Variants in XPR1 observed in about 807,000 individuals in gnomAD.
The protein encoded by XPR1 is xenotropic and polytropic retrovirus receptor 1.
Under a neutral mutation model 87.5 loss-of-function variants are expected in XPR1, and 28 were observed. The observed-to-expected ratio is 0.32, with a 90% CI of 0.24 to 0.44. The LOEUF is 0.44. Among genes scored for constraint, XPR1 ranks in the 20% least tolerant of loss-of-function variants. XPR1 has a pLI of 1.00. For synonymous variants in XPR1, 300 were observed against 306.1 expected, an observed-to-expected ratio of 0.98 and a Z score of 0.21; for missense variants, 559 against 862.3, an observed-to-expected ratio of 0.65 and a Z score of 4.41.
At chr1:180,732,446 A>G (rs1173369284) in intron 2 of XPR1, among the ~76,000 whole-genome samples, 1 of 152,170 alleles carries the variant, frequency 6.6e-6, no homozygotes, top group Admixed American at 6.5e-5. Context: ...GTGGCCTTTA[A>G]TTGAATATTC....
At chr1:180,742,232 C>T (rs956615279) in intron 2 of XPR1, among the ~76,000 whole-genome samples, 4 of 151,892 alleles carry the variant, frequency 2.6e-5, no homozygotes, top group Non-Finnish European at 5.9e-5. Flanking sequence ...AAAGTGGAAG[C>T]TTAGATTAGT....
At chr1:180,677,642 C>T (rs1156244321) in intron 1 of XPR1, among the ~76,000 whole-genome samples, 1 of 152,162 alleles carries the variant, frequency 6.6e-6, no homozygotes, top group Non-Finnish European at 1.5e-5. Flanking sequence ...CCTCCAGCTG[C>T]ATGACTTCTA....
At chr1:180,857,345 G>T (rs1652071269) in intron 11 of XPR1, among the ~76,000 whole-genome samples, 1 of 152,104 alleles carries the variant, frequency 6.6e-6, no homozygotes, top group African/African-American at 2.4e-5. Flanking sequence ...TTATATATCT[G>T]ATCATTGTCT....
intron 2 of XPR1, among the ~76,000 whole-genome samples, chr1:180,691,239 T>C (rs554039916): frequency 6.6e-6 from 1 of 152,268 alleles, no homozygotes; most frequent in Admixed American, 6.5e-5. Flanking sequence ...TCTTTTTGTG[T>C]TTTTATGTTT....
intron 1 of XPR1, among the ~76,000 whole-genome samples, chr1:180,663,242 T>C (rs1274254796): frequency 6.6e-6 from 1 of 152,254 alleles, no homozygotes; most frequent in African/African-American, 2.4e-5. Flanking sequence ...CTTTGCAATC[T>C]GTGTTTGTTT....
At chr1:180,653,174 T>A (rs1655348400) in intron 1 of XPR1, among the ~76,000 whole-genome samples, 1 of 152,168 alleles carries the variant, frequency 6.6e-6, no homozygotes, top group African/African-American at 2.4e-5. Context: ...CTCTTGTTAT[T>A]TGTACAATAT....
At chr1:180,803,823 C>CAA (rs1649882848) in intron 4 of XPR1, among the ~76,000 whole-genome samples, 2 of 152,012 alleles carry the variant, frequency 1.3e-5, no homozygotes. Context: ...ATTCATATTC[C>CAA]AAAAACTTTC....
intron 1 of XPR1, among the ~76,000 whole-genome samples, chr1:180,660,721 A>G (rs1471463871): frequency 1.3e-5 from 2 of 148,158 alleles, no homozygotes; most frequent in African/African-American, 5.0e-5. Flanking sequence ...AATTGATATT[A>G]TTTCAGTTTT....
At chr1:180,756,997 C>G (rs1224517968) in intron 2 of XPR1, among the ~76,000 whole-genome samples, 2 of 152,110 alleles carry the variant, frequency 1.3e-5, no homozygotes, top group Non-Finnish European at 2.9e-5. Flanking sequence ...ACTCTCAATT[C>G]TTTTTCGTTG....
intron 1 of XPR1, among the ~76,000 whole-genome samples, chr1:180,658,002 A>G (rs1408369751): frequency 2.0e-5 from 3 of 151,940 alleles, no homozygotes; most frequent in Admixed American, 1.3e-4. Flanking sequence ...GTAGAGATCT[A>G]TCACTTCTTT....
intron 2 of XPR1, among the ~76,000 whole-genome samples, chr1:180,695,638 T>G (rs1657140594): frequency 6.6e-6 from 1 of 152,126 alleles, no homozygotes; most frequent in South Asian, 2.1e-4. Context: ...CTAGTTTCAT[T>G]TTTCTGCATA....
At chr1:180,637,715 A>G (rs1654831859) in intron 1 of XPR1, among the ~76,000 whole-genome samples, 1 of 151,986 alleles carries the variant, frequency 6.6e-6, no homozygotes, top group South Asian at 2.1e-4. Flanking sequence ...AACTACATCC[A>G]GCTAATTTTT....
chr1:180,768,020 A>G (rs1160817577), intron 2 of XPR1, among the ~76,000 whole-genome samples: 3 of 151,888 alleles, frequency 2.0e-5, no homozygotes, highest in Admixed American at 1.3e-4. Flanking sequence ...AATTTTTTGT[A>G]TTTTTAGTAA....
At chr1:180,765,056 A>T (rs1271680626) in intron 2 of XPR1, among the ~76,000 whole-genome samples, 5 of 152,144 alleles carry the variant, frequency 3.3e-5, no homozygotes, top group Non-Finnish European at 2.9e-5. Flanking sequence ...AAGTGCTAGG[A>T]TTACAGGCGT....
intron 7 of XPR1, among the ~76,000 whole-genome samples, chr1:180,819,526 T>C (rs1375749042): frequency 6.6e-6 from 1 of 152,320 alleles, no homozygotes; most frequent in East Asian, 1.9e-4. Flanking sequence ...TTTATAAATA[T>C]GGATTACATT....
chr1:180,734,496 C>G (rs941894110), intron 2 of XPR1, among the ~76,000 whole-genome samples: 12 of 152,124 alleles, frequency 7.9e-5, no homozygotes, highest in African/African-American at 2.7e-4. Flanking sequence ...ATGCAATGAT[C>G]TGAGAAGTTT....
intron 2 of XPR1, among the ~76,000 whole-genome samples, chr1:180,695,785 C>A (rs1657144734): frequency 6.6e-6 from 1 of 151,906 alleles, no homozygotes; most frequent in Admixed American, 6.6e-5. Flanking sequence ...GTTCCAATGG[C>A]CTGTGTGTAT....
rs1174990346 is a variant in XPR1 at position 180,863,818 on chromosome 1, G to A, written c.1612G>A (p.Asp538Asn). 8 of 1,611,944 alleles carry A rather than the reference G, an allele frequency of 5.0e-6. No homozygotes were observed. The highest frequency in any genetic ancestry group is 5.1e-6 in the Non-Finnish European group (6 of 1,179,188). Residue 538 changes from aspartate (D) to asparagine (N), a missense_variant, in exon 12 of 15, where the codon GAT becomes AAT. Coordinates refer to ENST00000367590, the MANE Select transcript of XPR1 (RefSeq NM_004736.4). ...TCTCAAGATGGACTGGGGTCTCTTC[G>A]ATAAGAATGCTGGAGAGAACACTTT... is the stretch of plus-strand genomic sequence containing the variant. The part of the protein sequence containing the change: ...WDLKMDWGLF[D>N]KNAGENTFLR...
rs1300993919 is a variant in XPR1 at position 180,836,553 on chromosome 1, T to C, written c.1338T>C (p.Gly446=). The change falls in exon 11 of 15, where the codon GGT becomes GGC. Residue 446 remains glycine (G), a synonymous_variant. Transcript: ENST00000367590. The part of the protein sequence containing the change: ...ESGICHKYTY[G]VRAIVQCIPA... ...GAATTTGCCACAAATATACATATGG[T>C]GTGCGGGCCATTGTTCAGTGCATTC... 5.6e-6 allele frequency: 9 copies of C among 1,614,192 alleles called. No individual in the cohort carries two copies. The highest frequency in any genetic ancestry group is 1.7e-5 in the Admixed American group (1 of 60,022).
Sources: allele counts gnomAD v4.1 joint callset (sites outside exome capture counted in the v4.1 genomes callset), GRCh38; gene constraint gnomAD v4.1.1; transcripts MANE v1.5; gene names NCBI Gene and HGNC (gene_info 2026-07-23, HGNC 2026-07-21).